POLA1: variants seen among roughly 807,000 people sequenced by gnomAD.
POLA1 encodes DNA polymerase alpha catalytic subunit.
POLA1 carries 15 observed loss-of-function variants against 124.0 expected under a neutral mutation model. That is an observed-to-expected ratio of 0.12 (90% CI 0.08 to 0.19). The LOEUF is 0.19. POLA1 is among the 10% of genes least tolerant of loss of function. The pLI, the probability that POLA1 is intolerant of heterozygous loss-of-function variation, is 1.00. For missense variants in POLA1, 886 were observed against 1,103.4 expected, an observed-to-expected ratio of 0.80 and a Z score of 2.79; for synonymous variants, 408 against 389.4, an observed-to-expected ratio of 1.05 and a Z score of -0.56.
chrX:24,841,351 A>T (rs1332598179), intron 32 of POLA1, among the ~76,000 whole-genome samples: 1 of 112,338 alleles, frequency 8.9e-6, no homozygotes, highest in Admixed American at 9.4e-5. Flanking sequence ...AGAATTTCTT[A>T]GTACACATTT....
At chrX:24,784,733 C>T (rs2045332059) in intron 26 of POLA1, among the ~76,000 whole-genome samples, 1 of 111,668 alleles carries the variant, frequency 9.0e-6, no homozygotes, top group South Asian at 3.8e-4. Context: ...ATTTTCTTAG[C>T]GCCTCCTAAG....
chrX:24,745,111 G>T (rs181197812), intron 23 of POLA1, among the ~76,000 whole-genome samples: 12 of 108,206 alleles, frequency 1.1e-4, no homozygotes, highest in African/African-American at 4.1e-4. Context: ...ATAGCTGATT[G>T]GGAAGGTATT....
intron 26 of POLA1, among the ~76,000 whole-genome samples, chrX:24,797,196 C>A (rs763702800): frequency 3.2e-4 from 36 of 111,300 alleles, no homozygotes; most frequent in Non-Finnish European, 6.2e-4. Flanking sequence ...TTACAAGGCC[C>A]TTCACATTTG....
chrX:24,743,205 A>C lies in POLA1; in HGVS notation c.2467-25A>C, dbSNP rs749424884. The C allele has an allele frequency of 7.7e-6, 6 of 776,194 alleles. No individual in the cohort carries two copies. The African/African-American group carries it at 8.4e-5, about 11-fold the overall frequency. 64.0% of individuals were successfully genotyped at this position (776,194 alleles called of 1,213,427 possible). A position where few individuals can be genotyped will look rare whatever the true frequency, so the allele number is the denominator to read the frequency against. On this transcript the variant is annotated intron_variant, in intron 22 of 36. Transcript: ENST00000379068. Reference sequence around the variant, plus strand: ...TTAGTTAATTAGTTGCTGGCTGGTGAAGTTATCTTTCCATTTGATATTAGG... The same window carrying C: ...TTAGTTAATTAGTTGCTGGCTGGTGCAGTTATCTTTCCATTTGATATTAGG...
At chrX:24,965,383 A>T (rs1569378417) in intron 36 of POLA1, among the ~76,000 whole-genome samples, 1 of 112,318 alleles carries the variant, frequency 8.9e-6, no homozygotes, top group East Asian at 2.8e-4. Flanking sequence ...TGGTCTCCAG[A>T]TAGAGTTAAA....
chrX:24,741,582 A>G (rs1455322618), intron 21 of POLA1, 78 bp downstream of exon 21: 80 of 787,643 alleles, frequency 1.0e-4, no homozygotes, highest in Non-Finnish European at 1.9e-5. Context: ...TTATATGATA[A>G]TGAGTCTAAA....
At chrX:24,895,702 C>T (rs2047197517) in intron 35 of POLA1, among the ~76,000 whole-genome samples, 2 of 112,118 alleles carry the variant, frequency 1.8e-5, no homozygotes, top group Admixed American at 9.4e-5. Context: ...ATTTTTGAAT[C>T]CTGATTCTGC....
At chrX:24,827,779 G>A (rs775258047) in intron 32 of POLA1, among the ~76,000 whole-genome samples, 1 of 111,907 alleles carries the variant, frequency 8.9e-6, no homozygotes, top group East Asian at 2.8e-4. Flanking sequence ...ACAAGGTCTC[G>A]GGCAAAGGAA....
At position 24,737,681 on chromosome X, in the gene POLA1, C is replaced by T; in HGVS notation, c.1980C>T (p.Cys660=). Residue 660 remains cysteine, a synonymous_variant, in exon 19 of 37, where the codon TGC becomes TGT. Coordinates refer to ENST00000379068, the MANE Select transcript of POLA1 (RefSeq NM_001330360.2). ...LEVLLQRINV[C]KAPHWSKIGR... ...TACTACTGCAGAGAATTAATGTGTG[C>T]AAAGCTCCTCACTGGTCCAAGATAG... The T allele has an allele frequency of 8.5e-7, 1 of 1,183,069 alleles. No homozygotes were observed. Among genetic ancestry groups the T allele is most frequent in the South Asian group, 1.8e-5 (1 of 55,743 alleles).
intron 36 of POLA1, among the ~76,000 whole-genome samples, chrX:24,941,975 G>T (rs777648691): frequency 1.8e-5 from 2 of 112,152 alleles, no homozygotes; most frequent in African/African-American, 3.2e-5. Flanking sequence ...GCAGGTCTGT[G>T]TGTAAGTCTG....
intron 18 of POLA1, among the ~76,000 whole-genome samples, chrX:24,737,095 GTAT>G (rs1339324676): frequency 9.0e-6 from 1 of 111,187 alleles, no homozygotes; most frequent in Non-Finnish European, 1.9e-5. Flanking sequence ...CTATTTAGTG[GTAT>G]TATATATTTA....
chrX:24,888,600 GTTTTTTTTTTTTT>G (rs869301308), intron 35 of POLA1, among the ~76,000 whole-genome samples: 19 of 49,150 alleles, frequency 3.9e-4, no homozygotes, highest in African/African-American at 1.5e-3. Context: ...TTGTTTGCTT[GTTTTTTTTTTTTT>G]TTTTTTTTTT....
At chrX:24,794,570 C>T (rs1157449839) in intron 26 of POLA1, among the ~76,000 whole-genome samples, 2 of 111,708 alleles carry the variant, frequency 1.8e-5, no homozygotes, top group Non-Finnish European at 3.8e-5. Flanking sequence ...TGGTTTTTCC[C>T]CTGCACAATA....
intron 34 of POLA1, among the ~76,000 whole-genome samples, chrX:24,846,761 C>G (rs1186615758): frequency 8.9e-6 from 1 of 111,737 alleles, no homozygotes; most frequent in African/African-American, 3.3e-5. Context: ...GGCAGAATGC[C>G]TGCTGTGTGG....
At chrX:24,722,416 CACTT>C (rs1250487443) in intron 10 of POLA1, among the ~76,000 whole-genome samples, 3 of 112,342 alleles carry the variant, frequency 2.7e-5, no homozygotes, top group Middle Eastern at 4.2e-3. Flanking sequence ...ACATTATAAA[CACTT>C]ACCTAGTTAG....
intron 26 of POLA1, among the ~76,000 whole-genome samples, chrX:24,807,155 A>G (rs771030011): frequency 3.7e-4 from 41 of 112,222 alleles, no homozygotes; most frequent in African/African-American, 1.3e-3. Flanking sequence ...GCCAGTTCAC[A>G]TTGAAGGTAC....
chrX:24,747,652 T>C (rs1932086673), intron 24 of POLA1, among the ~76,000 whole-genome samples: 1 of 111,184 alleles, frequency 9.0e-6, no homozygotes, highest in Non-Finnish European at 1.9e-5. Context: ...GTCTTAGTGT[T>C]TGTATTTTAA....
At chrX:24,994,028 C>T (rs144143420) in intron 36 of POLA1, among the ~76,000 whole-genome samples, 1 of 112,051 alleles carries the variant, frequency 8.9e-6, no homozygotes, top group Admixed American at 9.4e-5. Flanking sequence ...TCCCCTGCTC[C>T]GTATTACCGC....
intron 35 of POLA1, among the ~76,000 whole-genome samples, chrX:24,924,479 A>G (rs1025721016): frequency 1.8e-5 from 2 of 111,347 alleles, no homozygotes; most frequent in African/African-American, 3.3e-5. Flanking sequence ...AATTCAAAGG[A>G]CTAGTGTTGT....
Sources: gnomAD v4.1 joint callset for allele counts (sites outside exome capture counted in the v4.1 genomes callset) on GRCh38, gnomAD v4.1.1 for gene constraint, MANE v1.5 for transcripts, NCBI Gene and HGNC (gene_info 2026-07-23, HGNC 2026-07-21) for gene names.